LDLRAD4: variants seen among roughly 807,000 people sequenced by gnomAD.
LDLRAD4 encodes the protein low density lipoprotein receptor class A domain containing 4.
A neutral mutation model predicts 17.0 loss-of-function variants in LDLRAD4; 5 were observed. The observed-to-expected ratio is 0.29, with a 90% CI of 0.15 to 0.62. The LOEUF (loss-of-function observed/expected upper bound fraction) is 0.62. LDLRAD4 is among the 20% of genes least tolerant of loss of function. The pLI, the probability that LDLRAD4 is intolerant of heterozygous loss-of-function variation, is 0.84. For synonymous variants in LDLRAD4, 168 were observed against 171.8 expected, an observed-to-expected ratio of 0.98 and a Z score of 0.17; for missense variants, 340 against 424.7, an observed-to-expected ratio of 0.80 and a Z score of 1.75.
At chr18:13,259,776 G>T (rs1014066429) in intron 1 of LDLRAD4, among the ~76,000 whole-genome samples, 2 of 143,308 alleles carry the variant, frequency 1.4e-5, no homozygotes, top group Admixed American at 6.9e-5. Flanking sequence ...AGCCACCCAC[G>T]GCTGCTTTGA....
chr18:13,352,265 G>A (rs878857993), intron 1 of LDLRAD4, among the ~76,000 whole-genome samples: 1 of 152,176 alleles, frequency 6.6e-6, no homozygotes, highest in African/African-American at 2.4e-5. Context: ...TGTGGCCAGG[G>A]CAATCAGGCA....
exon 6 of LDLRAD4, chr18:13,650,543 G>A (rs2043203671): frequency 5.0e-6 from 2 of 396,402 alleles, no homozygotes; most frequent in Non-Finnish European, 8.9e-6. Flanking sequence ...TAGGAACCAA[G>A]CCGCCCCCTC....
At chr18:13,295,072 C>T (rs1202694242) in intron 1 of LDLRAD4, among the ~76,000 whole-genome samples, 1 of 152,180 alleles carries the variant, frequency 6.6e-6, no homozygotes, top group East Asian at 1.9e-4. Context: ...ATTGTGGAAT[C>T]TCTGTTTCAG....
chr18:13,509,511 G>A (rs1320462042), intron 3 of LDLRAD4, among the ~76,000 whole-genome samples: 1 of 152,228 alleles, frequency 6.6e-6, no homozygotes, highest in Admixed American at 6.5e-5. Flanking sequence ...AGTGGATAAG[G>A]AGTTGCTTCT....
intron 1 of LDLRAD4, among the ~76,000 whole-genome samples, chr18:13,355,820 A>G (rs1275957656): frequency 6.6e-6 from 1 of 152,152 alleles, no homozygotes. Context: ...TTATAGAGAC[A>G]GAGTCTTGCT....
In LDLRAD4 at chr18:13,374,808, A is replaced by G. The variant is rs141533353; in HGVS notation, c.-382-12533A>G. ...TGTCTGGAAGTCTGCAGCAGCTTCA[A>G]TTACACAGCCCAGCTGCTGGGAGCC... On this transcript the variant is annotated intron_variant, in intron 1 of 5. Coordinates refer to ENST00000359446, the Ensembl canonical transcript of LDLRAD4. Among the ~76,000 whole-genome samples, 321 of 152,314 alleles carry G rather than the reference A, an allele frequency of 2.1e-3. 2 individuals are homozygous for G. The highest frequency in any genetic ancestry group is 6.9e-3 in the African/African-American group (287 of 41,570).
intron 1 of LDLRAD4, among the ~76,000 whole-genome samples, chr18:13,230,123 C>A (rs1006783519): frequency 6.6e-6 from 1 of 152,106 alleles, no homozygotes; most frequent in African/African-American, 2.4e-5. Flanking sequence ...TAACAGAGGC[C>A]GGAGGAGCTT....
chr18:13,403,899 T>A (rs1040277886), intron 2 of LDLRAD4, among the ~76,000 whole-genome samples: 1 of 152,006 alleles, frequency 6.6e-6, no homozygotes, highest in Non-Finnish European at 1.5e-5. Flanking sequence ...CGGGACGATG[T>A]TTGGGTGGAA....
At chr18:13,517,765 G>T (rs1443844388) in intron 3 of LDLRAD4, among the ~76,000 whole-genome samples, 1 of 151,760 alleles carries the variant, frequency 6.6e-6, no homozygotes, top group Non-Finnish European at 1.5e-5. Context: ...TTGAGATGGA[G>T]TCTCGCTCTG....
Position 13,452,713 on chromosome 18 carries a change from G to A in LDLRAD4, c.181+14329G>A, listed in dbSNP as rs1463657310. Among the ~76,000 whole-genome samples, 3 of 152,312 alleles carry A rather than the reference G, an allele frequency of 2.0e-5. 1 individual carries two copies. The South Asian group carries it at 6.2e-4, about 32-fold the overall frequency. On this transcript the variant is annotated intron_variant, in intron 3 of 5. Coordinates refer to ENST00000359446, the Ensembl canonical transcript of LDLRAD4. ...GTTCAAAAGAGCTTTCTGCGTGTAT[G>A]AACTTCTCTCCACAATTCCACCAGG...
intron 1 of LDLRAD4, among the ~76,000 whole-genome samples, chr18:13,265,337 A>G (rs951895699): frequency 4.7e-4 from 71 of 152,238 alleles, no homozygotes; most frequent in African/African-American, 1.7e-3. Flanking sequence ...GTCAACGCCA[A>G]ACTTACCTGT....
At position 13,637,468 on chromosome 18, in the gene LDLRAD4, A is replaced by G. The variant is rs534160878; in HGVS notation, c.337-5891A>G. Reference sequence around the variant, plus strand: ...ACACAACATTGCTTAAGCTGCCCCCATTCCTCAGCCTTTCCATTCAAAACA... The same window carrying G: ...ACACAACATTGCTTAAGCTGCCCCCGTTCCTCAGCCTTTCCATTCAAAACA... On this transcript the variant is annotated intron_variant, in intron 4 of 5. Transcript: ENST00000359446. Among the ~76,000 whole-genome samples, 11 of 152,172 alleles carry G rather than the reference A, an allele frequency of 7.2e-5. No individual in the cohort carries two copies. In the South Asian group the frequency reaches 1.9e-3, roughly 26 times the overall value.
rs115985251 is a variant in LDLRAD4, at chr18:13,614,288, C to G, written c.182-6829C>G. 986 of 152,304 alleles carry G rather than the reference C, an allele frequency of 6.5e-3. 9 individuals carry two copies. Among genetic ancestry groups the G allele is most frequent in the African/African-American group, 0.022 (911 of 41,514 alleles). The allele number at this position is 152,304 out of a possible 1,614,324, so 9.4% of individuals were successfully genotyped here. ...GACCAGAGAATGGATACCACCAAGA[C>G]AGTGATAAGTGCTGCAACAGGGTTC... On this transcript the variant is annotated intron_variant, in intron 3 of 5. Coordinates refer to ENST00000359446, the Ensembl canonical transcript of LDLRAD4.
intron 3 of LDLRAD4, among the ~76,000 whole-genome samples, chr18:13,491,857 G>A (rs938391633): frequency 6.6e-6 from 1 of 152,178 alleles, no homozygotes; most frequent in Non-Finnish European, 1.5e-5. Context: ...AGCTTTGCAC[G>A]TTGGTGCTGT....
rs1015289186 is a variant in LDLRAD4 at position 13,621,003 on chromosome 18, A to G, written c.182-114A>G. 4.2e-6 allele frequency: 6 copies of G among 1,438,910 alleles called. No homozygotes were observed. The highest frequency in any genetic ancestry group is 3.4e-5 in the Admixed American group (2 of 58,274). The allele number at this position is 1,438,910 out of a possible 1,614,324, so 89.1% of individuals were successfully genotyped here. ...TCTGTGTCCTGCTGGCCTCTGAGGAACAGACGTGTGTGAGAGGCCTTCAGG... is the reference window on the plus strand; with the variant it reads ...TCTGTGTCCTGCTGGCCTCTGAGGAGCAGACGTGTGTGAGAGGCCTTCAGG... On this transcript the variant is annotated intron_variant, in intron 3 of 5. Coordinates refer to ENST00000359446, the Ensembl canonical transcript of LDLRAD4. The surrounding 1 kb of genome is among the most constrained non-coding windows in gnomAD (Gnocchi z 5.5).
At chr18:13,484,050 GC>G (rs1205098471) in intron 3 of LDLRAD4, 2 of 152,284 alleles carry the variant, frequency 1.3e-5, no homozygotes, top group Non-Finnish European at 2.9e-5. Context: ...AGGAGCAAAA[GC>G]CCCTTGCCAT....
At chr18:13,600,058 C>A (rs2095143054) in intron 3 of LDLRAD4, among the ~76,000 whole-genome samples, 1 of 152,210 alleles carries the variant, frequency 6.6e-6, no homozygotes, top group East Asian at 1.9e-4. Flanking sequence ...ATGAAGCAAT[C>A]CTCTTGCCTT....
chr18:13,415,594 C>T (rs1312124349), intron 2 of LDLRAD4, among the ~76,000 whole-genome samples: 3 of 152,180 alleles, frequency 2.0e-5, no homozygotes, highest in African/African-American at 2.4e-5. Flanking sequence ...GTTTCAGGTA[C>T]GTAGTGTACT....
At chr18:13,491,958 T>A (rs1026065973) in intron 3 of LDLRAD4, among the ~76,000 whole-genome samples, 1 of 152,174 alleles carries the variant, frequency 6.6e-6, no homozygotes, top group Non-Finnish European at 1.5e-5. Flanking sequence ...AATTGATGGA[T>A]GACTATGAGG....
Sources: gnomAD v4.1 joint callset for allele counts (sites outside exome capture counted in the v4.1 genomes callset) on GRCh38, gnomAD v4.1.1 for gene constraint, Gnocchi (gnomAD v3.1) non-coding constraint, MANE v1.5 for transcripts, NCBI Gene and HGNC (gene_info 2026-07-23, HGNC 2026-07-21) for gene names.